Variants in UFL1 observed in about 807,000 individuals in gnomAD.
The protein encoded by UFL1 is UFM1 specific ligase 1.
A neutral mutation model predicts 99.3 loss-of-function variants in UFL1; 78 were observed. That is an observed-to-expected ratio of 0.79 (90% CI 0.65 to 0.95). The LOEUF is 0.95. Among genes scored for constraint, UFL1 ranks in the 40% least tolerant of loss-of-function variants. The probability of loss-of-function intolerance (pLI) is 0.00; values close to 1 mark genes in which losing one functional copy is unlikely to be tolerated. For synonymous variants in UFL1, 335 were observed against 322.2 expected, an observed-to-expected ratio of 1.04 and a Z score of -0.42; for missense variants, 936 against 937.0, an observed-to-expected ratio of 1.00 and a Z score of 0.01.
chr6:96,550,490 A>C (rs1770062457), intron 15 of UFL1, among the ~76,000 whole-genome samples: 1 of 152,006 alleles, frequency 6.6e-6, no homozygotes, highest in African/African-American at 2.4e-5. Flanking sequence ...ATCAAGGTCA[A>C]ACCAAATCAG....
intron 12 of UFL1, 71 bp downstream of exon 12, chr6:96,543,087 T>A (rs1769953747): frequency 2.7e-6 from 4 of 1,501,792 alleles, no homozygotes; most frequent in Non-Finnish European, 3.6e-6. Flanking sequence ...AAGATGTATA[T>A]AATTAGGTAT....
At position 96,543,019 on chromosome 6, in the gene UFL1, AG is replaced by A. The variant is rs1274782712; in HGVS notation, c.1402+5del. ...TGAATCTCAATCATCCCACACTGGTAGGTAGCTTTTCTTTACTTTTCCTTGG... is the reference window on the plus strand; with the variant it reads ...TGAATCTCAATCATCCCACACTGGTAGTAGCTTTTCTTTACTTTTCCTTGG... On this transcript the variant is annotated splice_donor_region_variant and intron_variant, in intron 12 of 18. Coordinates refer to ENST00000369278, the MANE Select transcript of UFL1 (RefSeq NM_015323.5). 2 of 1,586,466 alleles carry A rather than the reference AG, an allele frequency of 1.3e-6. No individual in the cohort carries two copies. Among genetic ancestry groups the A allele is most frequent in the African/African-American group, 1.4e-5 (1 of 72,822 alleles).
At chr6:96,542,790 T>G in intron 11 of UFL1, 104 bp from the exon 12 acceptor site, 1 of 1,198,356 alleles carries the variant, frequency 8.3e-7, no homozygotes, top group Non-Finnish European at 1.1e-6. Flanking sequence ...TTATTTTGCC[T>G]TTATTTTTTC....
At chr6:96,538,588 A>G in intron 9 of UFL1, 43 bp from the exon 10 acceptor site, 1 of 1,573,966 alleles carries the variant, frequency 6.4e-7, no homozygotes, top group African/African-American at 1.4e-5. Context: ...TCACTGTATT[A>G]TATTGCATTT....
At position 96,537,343 on chromosome 6, in the gene UFL1, A is replaced by G. The variant is rs752613164; in HGVS notation, c.803-31A>G. 2.0e-5 allele frequency: 30 copies of G among 1,514,414 alleles called. No homozygotes were observed. The South Asian group carries it at 2.4e-4, about 12-fold the overall frequency. 93.8% of individuals were successfully genotyped at this position (1,514,414 alleles called of 1,614,324 possible). The stretch of plus-strand genomic sequence containing the variant: ...ACTTTTGTCTTACATGTAATTGACA[A>G]TTCTAATCCAACTTTGTGATATATT... On this transcript the variant is annotated intron_variant, in intron 8 of 18. Transcript: ENST00000369278.
intron 7 of UFL1, 124 bp downstream of exon 7, chr6:96,534,445 A>T: frequency 1.3e-6 from 1 of 790,576 alleles, no homozygotes. Flanking sequence ...TCCTGGTTTA[A>T]AAAAGTTTCT....
Position 96,540,713 on chromosome 6 carries a change from C to T in UFL1, c.1279+58C>T, listed in dbSNP as rs923440350. ...TTTGTATTTGTTGCAGTGAACTTTG[C>T]ATTTATCACATTTATTATGCCCTTT... On this transcript the variant is annotated intron_variant, in intron 11 of 18. Transcript: ENST00000369278. 1.9e-6 allele frequency: 3 copies of T among 1,544,218 alleles called. No homozygotes were observed. The African/African-American group carries it at 4.2e-5, about 22-fold the overall frequency.
intron 12 of UFL1, among the ~76,000 whole-genome samples, chr6:96,545,652 A>T (rs1001109525): frequency 2.0e-5 from 3 of 151,186 alleles, no homozygotes; most frequent in African/African-American, 7.3e-5. Flanking sequence ...TTCAACAAAG[A>T]TAAATTATTC....
Position 96,538,161 on chromosome 6 carries a change from G to A in UFL1, c.979-470G>A, listed in dbSNP as rs187687033. On this transcript the variant is annotated intron_variant, in intron 9 of 18. Transcript: ENST00000369278. The stretch of plus-strand genomic sequence containing the variant: ...AACTACCTTCTGTGTGCCAGGCACC[G>A]TTCTATTAATACTTGTTGGGGATAT... Among the ~76,000 whole-genome samples, 15 of 151,814 alleles carry A rather than the reference G, an allele frequency of 9.9e-5. No individual in the cohort carries two copies. The East Asian group carries it at 1.2e-3, about 12-fold the overall frequency.
intron 15 of UFL1, among the ~76,000 whole-genome samples, chr6:96,551,101 AGCTGGCACT>A (rs1259420826): frequency 2.0e-4 from 31 of 151,884 alleles, no homozygotes; most frequent in Non-Finnish European, 2.5e-4. Context: ...GGCCCTTCAC[AGCTGGCACT>A]GGGTAGAGAA....
rs1278817873 is a variant in UFL1, at chr6:96,555,264, C to G, written c.*1761C>G. 1 of 151,898 alleles carries G rather than the reference C, an allele frequency of 6.6e-6. No homozygotes were observed. Among genetic ancestry groups the G allele is most frequent in the Non-Finnish European group, 1.5e-5 (1 of 67,966 alleles). 9.4% of individuals were successfully genotyped at this position (151,898 alleles called of 1,614,324 possible). ...AGAAAGTTATTTAAAATAAAGTTAC[C>G]TATTCTACTAAATTTTATAGTACTT... On this transcript the variant is annotated 3_prime_UTR_variant, in exon 19 of 19. Transcript: ENST00000369278.
In UFL1 at chr6:96,536,331, T is replaced by C. The variant is rs1356862076; in HGVS notation, c.743T>C (p.Ile248Thr). The C allele has an allele frequency of 1.2e-6, 2 of 1,611,822 alleles. No individual in the cohort carries two copies. Among genetic ancestry groups the C allele is most frequent in the Non-Finnish European group, 1.7e-6 (2 of 1,178,450 alleles). ...GATAAAGCTGTGTTTGTCCCTGACA[T>C]CTACTCCAGGACACAGAGTACTTGG... ...RQDKAVFVPDIYSRTQSTWVD... is the reference protein window; with the variant it reads ...RQDKAVFVPDTYSRTQSTWVD... The change falls in exon 8 of 19, where the codon ATC becomes ACC. Residue 248 changes from isoleucine (I) to threonine (T), a missense_variant. Transcript: ENST00000369278.
In UFL1 at chr6:96,526,383, C is replaced by G. The variant is rs576567834; in HGVS notation, c.413C>G (p.Thr138Ser). The change falls in exon 5 of 19, where the codon ACC becomes AGC. Residue 138 changes from threonine (T) to serine (S), a missense_variant. By Grantham distance (58) the Thr-to-Ser change is moderately conservative (BLOSUM62 1). Coordinates refer to ENST00000369278, the MANE Select transcript of UFL1 (RefSeq NM_015323.5). ...NDKLQESGQV[T>S]ISELCKTYDL... ...AAATTGCAAGAAAGTGGTCAGGTCA[C>G]CATATCAGAACTGTGTAAAACTTAT... The G allele has an allele frequency of 1.5e-5, 24 of 1,613,506 alleles. No individual in the cohort carries two copies. In the African/African-American group the frequency reaches 2.7e-4, roughly 18 times the overall value.
Position 96,553,305 on chromosome 6 carries a change from A to G in UFL1, c.2187A>G (p.Val729=), listed in dbSNP as rs1248119896. The change falls in exon 19 of 19, where the codon GTA becomes GTG. Residue 729 remains valine (V), a synonymous_variant. Transcript: ENST00000369278. ...KIPEDQHALL[V]KYQGLVVKQL... ...CACAGGATCAGCATGCTCTTTTGGTAAAGTATCAAGGTTTGGTTGTAAAGC... is the reference window on the plus strand; with the variant it reads ...CACAGGATCAGCATGCTCTTTTGGTGAAGTATCAAGGTTTGGTTGTAAAGC... 1.2e-6 allele frequency: 2 copies of G among 1,613,262 alleles called. No individual in the cohort carries two copies. The highest frequency in any genetic ancestry group is 1.7e-6 in the Non-Finnish European group (2 of 1,179,642).
chr6:96,540,397 A>G, intron 10 of UFL1, 138 bp from the exon 11 acceptor site: 1 of 1,120,548 alleles, frequency 8.9e-7, no homozygotes, highest in African/African-American at 1.6e-5. Context: ...TTTGCCTTAG[A>G]GTGACAGCTC....
rs1371013059 is a variant in UFL1 at position 96,521,825 on chromosome 6, C to T, written c.-49C>T. 2 of 1,575,686 alleles carry T rather than the reference C, an allele frequency of 1.3e-6. No homozygotes were observed. Among genetic ancestry groups the T allele is most frequent in the South Asian group, 1.2e-5 (1 of 86,218 alleles). On this transcript the variant is annotated 5_prime_UTR_variant, in exon 1 of 19. Coordinates refer to ENST00000369278, the MANE Select transcript of UFL1 (RefSeq NM_015323.5). ...CCGCCTCTCTTCTCCCACCGCCTGTCGGCTGACGTGTCTGCAGTTCCTCCG... is the reference window on the plus strand; with the variant it reads ...CCGCCTCTCTTCTCCCACCGCCTGTTGGCTGACGTGTCTGCAGTTCCTCCG...
chr6:96,548,378 T>C, intron 13 of UFL1, 97 bp downstream of exon 13: 1 of 743,754 alleles, frequency 1.3e-6, no homozygotes, highest in Non-Finnish European at 2.0e-6. Flanking sequence ...ATGTATTAGA[T>C]ATTTTCATTT....
chr6:96,544,015 T>C (rs1769966460), intron 12 of UFL1, among the ~76,000 whole-genome samples: 1 of 151,128 alleles, frequency 6.6e-6, no homozygotes, highest in Admixed American at 6.6e-5. Flanking sequence ...CACAGAACAA[T>C]TGTAATTTTT....
In UFL1 at chr6:96,552,464, G is replaced by GT; in HGVS notation, c.1986-18_1986-17insT. Reference sequence around the variant, plus strand: ...TTAAATTATGATAATGAATTTGTGTGCTTTTTTTTTTTTTTAGACAGATAC... The same window carrying GT: ...TTAAATTATGATAATGAATTTGTGTGTCTTTTTTTTTTTTTTAGACAGATAC... On this transcript the variant is annotated splice_polypyrimidine_tract_variant and intron_variant, in intron 17 of 18. Coordinates refer to ENST00000369278, the MANE Select transcript of UFL1 (RefSeq NM_015323.5). 1.4e-6 allele frequency: 2 copies of GT among 1,448,460 alleles called. No homozygotes were observed. Among genetic ancestry groups the GT allele is most frequent in the East Asian group, 2.4e-5 (1 of 41,836 alleles). 89.7% of individuals were successfully genotyped at this position (1,448,460 alleles called of 1,614,324 possible).
Sources: gnomAD v4.1 joint callset for allele counts (sites outside exome capture counted in the v4.1 genomes callset) on GRCh38, gnomAD v4.1.1 for gene constraint, MANE v1.5 for transcripts, NCBI Gene and HGNC (gene_info 2026-07-23, HGNC 2026-07-21) for gene names.